Variants in NAV3 observed in about 807,000 individuals in gnomAD.
NAV3 encodes the protein pore membrane and/or filament interacting like protein 1.
Under a neutral mutation model 244.7 loss-of-function variants are expected in NAV3, and 87 were observed. The observed-to-expected ratio is 0.36, with a 90% CI of 0.30 to 0.42. The LOEUF is 0.42. Ranked by LOEUF, NAV3 falls within the 20% of genes least tolerant of loss-of-function variation. NAV3 has a pLI of 1.00. For missense variants in NAV3, 2,663 were observed against 2,893.3 expected, an observed-to-expected ratio of 0.92 and a Z score of 1.83; for synonymous variants, 1,126 against 1,042.2, an observed-to-expected ratio of 1.08 and a Z score of -1.55.
At chr12:77,856,471 A>G (rs546487557) in intron 1 of NAV3, among the ~76,000 whole-genome samples, 1 of 152,290 alleles carries the variant, frequency 6.6e-6, no homozygotes, top group South Asian at 2.1e-4. Flanking sequence ...AAAAACATAC[A>G]TGAGAAATAT....
Position 78,122,462 on chromosome 12 carries a change from C to G in NAV3, c.4238+34C>G, listed in dbSNP as rs768341036. ...TCCTGGAGGCATTGATAACATCTTC[C>G]CCCTCTTCCCTGCACTATGCCTAAC... On this transcript the variant is annotated intron_variant, in intron 16 of 39. Coordinates refer to ENST00000397909, the MANE Select transcript of NAV3 (RefSeq NM_001024383.2). 3 of 1,542,050 alleles carry G rather than the reference C, an allele frequency of 1.9e-6. No homozygotes were observed. The South Asian group carries it at 3.8e-5, about 19-fold the overall frequency.
At chr12:78,101,344 G>T (rs1038481762) in intron 12 of NAV3, among the ~76,000 whole-genome samples, 2 of 152,170 alleles carry the variant, frequency 1.3e-5, no homozygotes, top group African/African-American at 4.8e-5. Flanking sequence ...TTCATAAAGG[G>T]AATGACATTT....
Position 77,656,116 on chromosome 12 carries a change from TTAAATG to T in NAV3, c.72+83857_72+83862del, listed in dbSNP as rs1475356471. Reference sequence around the variant, plus strand: ...AAATTCACACATAACAATATTAACTTTAAATGTAAATGGACTAAATGCTCCAATTAA... The same window carrying T: ...AAATTCACACATAACAATATTAACTTTAAATGGACTAAATGCTCCAATTAA... On this transcript the variant is annotated intron_variant, in intron 2 of 8. Transcript: ENST00000550042. Among the ~76,000 whole-genome samples the T allele has an allele frequency of 2.7e-5, 4 of 150,878 alleles. No individual in the cohort carries two copies. The East Asian group carries it at 7.8e-4, about 29-fold the overall frequency.
Position 78,089,557 on chromosome 12 carries a change from T to C in NAV3, c.2637-27215T>C, listed in dbSNP as rs187384157. ...TAAGATGAAATAAACCAGTTATTTT[T>C]ATTAGTTTGGATGCTGATTTTTAGA... On this transcript the variant is annotated intron_variant, in intron 12 of 39. Transcript: ENST00000397909. 1.6e-3 allele frequency among the ~76,000 whole-genome samples: 242 copies of C among 152,312 alleles called. 3 individuals are homozygous for C. Among genetic ancestry groups the C allele is most frequent in the Non-Finnish European group, 2.5e-4 (17 of 67,998 alleles).
At chr12:78,023,553 G>A (rs1477533275) in intron 9 of NAV3, among the ~76,000 whole-genome samples, 2 of 152,074 alleles carry the variant, frequency 1.3e-5, no homozygotes, top group Non-Finnish European at 2.9e-5. Context: ...AAAATAAATG[G>A]TACAGTGAGA....
intron 2 of NAV3, among the ~76,000 whole-genome samples, chr12:77,689,889 G>A (rs1356374999): frequency 6.6e-6 from 1 of 151,764 alleles, no homozygotes; most frequent in Non-Finnish European, 1.5e-5. Flanking sequence ...TGCAAAGTCA[G>A]CAGTTAATGA....
At chr12:77,892,250 C>A (rs1303612886) in intron 1 of NAV3, among the ~76,000 whole-genome samples, 1 of 151,992 alleles carries the variant, frequency 6.6e-6, no homozygotes, top group Non-Finnish European at 1.5e-5. Flanking sequence ...AGACAGGGTC[C>A]ATGATATAGT....
intron 18 of NAV3, 106 bp from the exon 19 acceptor site, chr12:78,137,071 A>C: frequency 9.5e-7 from 1 of 1,048,556 alleles, no homozygotes; most frequent in Non-Finnish European, 1.4e-6. Context: ...CTCACTATAC[A>C]TTCATGTTTT....
intron 34 of NAV3, among the ~76,000 whole-genome samples, chr12:78,190,811 A>G (rs182811383): frequency 2.6e-5 from 4 of 152,084 alleles, no homozygotes; most frequent in Non-Finnish European, 4.4e-5. Flanking sequence ...CAGCCTGAAC[A>G]CTCAGATATT....
chr12:78,126,309 T>G (rs1206093462), intron 16 of NAV3, among the ~76,000 whole-genome samples: 1 of 152,218 alleles, frequency 6.6e-6, no homozygotes, highest in Non-Finnish European at 1.5e-5. Context: ...CCTGTGTATT[T>G]AATTTTGATC....
chr12:77,959,126 T>C (rs973428250), intron 3 of NAV3, among the ~76,000 whole-genome samples: 3 of 152,192 alleles, frequency 2.0e-5, no homozygotes, highest in African/African-American at 7.2e-5. Context: ...CTGCAGTTAG[T>C]TTCTTTGAAG....
intron 15 of NAV3, 70 bp from the exon 16 acceptor site, chr12:78,121,870 T>C: frequency 6.3e-7 from 1 of 1,575,306 alleles, no homozygotes; most frequent in South Asian, 1.2e-5. Flanking sequence ...CTGTGTACTG[T>C]AACCCGAAAT....
chr12:78,144,614 A>C (rs1477129686), intron 20 of NAV3, among the ~76,000 whole-genome samples: 2 of 152,154 alleles, frequency 1.3e-5, no homozygotes, highest in Non-Finnish European at 2.9e-5. Flanking sequence ...GTATGTATAT[A>C]ATAGATATTT....
chr12:77,951,836 G>A (rs1042000363), intron 3 of NAV3, among the ~76,000 whole-genome samples: 28 of 152,042 alleles, frequency 1.8e-4, no homozygotes, highest in Middle Eastern at 3.4e-3. Flanking sequence ...ACCAAATTCT[G>A]CATATTCTCA....
intron 2 of NAV3, among the ~76,000 whole-genome samples, chr12:77,778,589 G>A (rs1476138636): frequency 6.8e-6 from 1 of 147,372 alleles, no homozygotes; most frequent in Non-Finnish European, 1.5e-5. Context: ...TCCAGCCTGG[G>A]CAACAGAGCG....
intron 1 of NAV3, among the ~76,000 whole-genome samples, chr12:77,939,878 C>T (rs778259709): frequency 9.2e-5 from 14 of 152,152 alleles, no homozygotes; most frequent in Non-Finnish European, 1.5e-4. Context: ...CATACAGTAT[C>T]TCACATGACA....
intron 2 of NAV3, among the ~76,000 whole-genome samples, chr12:77,646,436 C>T (rs1872608547): frequency 6.6e-6 from 1 of 152,048 alleles, no homozygotes; most frequent in South Asian, 2.1e-4. Flanking sequence ...ACCTCCTGTC[C>T]TGAAGCAGAG....
intron 2 of NAV3, among the ~76,000 whole-genome samples, chr12:77,765,851 A>G: frequency 6.6e-6 from 1 of 152,212 alleles, no homozygotes; most frequent in Non-Finnish European, 1.5e-5. Flanking sequence ...GGGACAAGCA[A>G]GATAAAATTA....
At chr12:77,591,707 A>G (rs1869912838) in intron 2 of NAV3, among the ~76,000 whole-genome samples, 1 of 152,226 alleles carries the variant, frequency 6.6e-6, no homozygotes, top group African/African-American at 2.4e-5. Flanking sequence ...CCAAGAGGCA[A>G]TCCCATATAA....
Sources: allele counts gnomAD v4.1 joint callset (sites outside exome capture counted in the v4.1 genomes callset), GRCh38; gene constraint gnomAD v4.1.1; transcripts MANE v1.5; gene names NCBI Gene and HGNC (gene_info 2026-07-23, HGNC 2026-07-21).